AGT: variants seen among roughly 807,000 people sequenced by gnomAD.
AGT encodes alpha-1 antiproteinase, antitrypsin.
In AGT, 26 loss-of-function variants were observed where a neutral mutation model predicts 28.1. The observed-to-expected ratio is 0.92, with a 90% confidence interval of 0.68 to 1.28. The LOEUF is 1.28. Among genes scored for constraint, AGT ranks in the 50% most tolerant of loss-of-function variants. AGT has a pLI of 0.00. For missense variants in AGT, 596 were observed against 592.3 expected (o/e 1.01, Z -0.06); for synonymous variants, 259 against 259.6 (o/e 1.00, Z 0.02).
chr1:230,735,869 G>A (rs903302276), intron 1 of AGT, among the ~76,000 whole-genome samples: 3 of 152,116 alleles, frequency 2.0e-5, no homozygotes, highest in Non-Finnish European at 4.4e-5. Context: ...TGGTCTTCCT[G>A]CCCACATCTT....
At chr1:230,733,430 C>T (rs1021384237) in intron 1 of AGT, among the ~76,000 whole-genome samples, 1 of 152,156 alleles carries the variant, frequency 6.6e-6, no homozygotes, top group Non-Finnish European at 1.5e-5. Flanking sequence ...AAGGGCGATG[C>T]TTATGAAAGC....
chr1:230,738,531 G>A lies in AGT; in HGVS notation c.-31+6984C>T, dbSNP rs143455444. On this transcript the variant is annotated intron_variant, in intron 1 of 4. Transcript: ENST00000681269. ...CTAATAAATCTCTTTTGAAAGTTGA[G>A]TCATAAAAATTGCTATGACACTTTG... Among the ~76,000 whole-genome samples, 247 of 152,322 alleles carry A rather than the reference G, an allele frequency of 1.6e-3. 3 individuals are homozygous for A. The highest frequency in any genetic ancestry group is 5.8e-3 in the African/African-American group (241 of 41,554).
Position 230,710,021 on chromosome 1 carries a change from G to A in AGT, c.803C>T (p.Ala268Val), listed in dbSNP as rs1228544607. The change falls in exon 2 of 5, where the codon GCT (alanine) becomes GTT (valine). Residue 268 changes from alanine to valine, a missense_variant. Transcript: ENST00000366667. ...TTGGAAGTGGACGTAGGTGTTGAAA[G>A]CCAGGGTGCTGTCCACACTGGCTCC... ...LMGASVDSTL[A>V]FNTYVHFQGK... The A allele has an allele frequency of 6.2e-6, 10 of 1,614,214 alleles. No homozygotes were observed. Among genetic ancestry groups the A allele is most frequent in the Non-Finnish European group, 8.5e-6 (10 of 1,180,052 alleles).
intron 3 of AGT, 53 bp from the exon 4 acceptor site, chr1:230,704,390 T>G: frequency 1.2e-6 from 2 of 1,601,754 alleles, no homozygotes; most frequent in South Asian, 1.1e-5. Context: ...GTGAGGGCTC[T>G]CCCAGAGGCC....
intron 4 of AGT, 101 bp downstream of exon 4, chr1:230,704,092 C>T (rs1442617778): frequency 1.3e-6 from 2 of 1,578,094 alleles, no homozygotes; most frequent in African/African-American, 2.7e-5. Context: ...TCTTGCCCTG[C>T]TGGCCCCACC....
At chr1:230,735,186 C>T (rs1664136033) in intron 1 of AGT, among the ~76,000 whole-genome samples, 1 of 152,108 alleles carries the variant, frequency 6.6e-6, no homozygotes, top group African/African-American at 2.4e-5. Context: ...GGGCCATTGT[C>T]TTTAAGGGCC....
chr1:230,709,369 G>A (rs1663502458), intron 2 of AGT, among the ~76,000 whole-genome samples: 1 of 151,670 alleles, frequency 6.6e-6, no homozygotes, highest in South Asian at 2.1e-4. Context: ...AGGAGTTCAA[G>A]GCTACAGTGA....
chr1:230,730,862 G>A (rs781747616), intron 1 of AGT, among the ~76,000 whole-genome samples: 7 of 152,134 alleles, frequency 4.6e-5, no homozygotes, highest in Non-Finnish European at 8.8e-5. Context: ...GGCCCAGATA[G>A]GCATTAAAAT....
Position 230,735,405 on chromosome 1 carries a change from C to T in AGT, c.-31+10110G>A, listed in dbSNP as rs185806697. On this transcript the variant is annotated intron_variant, in intron 1 of 4. Transcript: ENST00000681269. The stretch of plus-strand genomic sequence containing the variant: ...TGAGATCCTCAAACTCAATGATTTC[C>T]GAGTCATGTTTAATATTTTTACATT... Among the ~76,000 whole-genome samples the T allele has an allele frequency of 5.8e-4, 89 of 152,232 alleles. 1 individual carries two copies. The highest frequency in any genetic ancestry group is 1.9e-3 in the African/African-American group (77 of 41,546).
intron 1 of AGT, among the ~76,000 whole-genome samples, chr1:230,720,124 G>T (rs1663814703): frequency 1.3e-5 from 2 of 152,058 alleles, no homozygotes; most frequent in Non-Finnish European, 2.9e-5. Flanking sequence ...TGCCTCAGGG[G>T]TCCCATGAGA....
chr1:230,736,608 A>G (rs548338655), intron 1 of AGT, among the ~76,000 whole-genome samples: 1 of 152,322 alleles, frequency 6.6e-6, no homozygotes, highest in East Asian at 1.9e-4. Flanking sequence ...ATAAATGGGA[A>G]CGGAGCAAGG....
In AGT at chr1:230,703,135, C is replaced by T. The variant is rs1413901533; in HGVS notation, c.*6G>A. On this transcript the variant is annotated 3_prime_UTR_variant, in exon 5 of 5. Transcript: ENST00000366667. The stretch of plus-strand genomic sequence containing the variant: ...TTGCCAGGCACTGTGTTCTGGGGCC[C>T]TGGCCTCATGCTGTGCTCAGCGGGT... 3.7e-6 allele frequency: 6 copies of T among 1,613,146 alleles called. No individual in the cohort carries two copies. Among genetic ancestry groups the T allele is most frequent in the Non-Finnish European group, 5.1e-6 (6 of 1,180,000 alleles).
Position 230,708,702 on chromosome 1 carries a change from G to A in AGT, c.829+1293C>T, listed in dbSNP as rs181145119. ...CAGTGTCTCTTAGACACACCCCTCA[G>A]CCCCACCCCACCCATGGATTTGCCG... On this transcript the variant is annotated intron_variant, in intron 2 of 4. Transcript: ENST00000366667. Among the ~76,000 whole-genome samples, 332 of 152,142 alleles carry A rather than the reference G, an allele frequency of 2.2e-3. 1 individual carries two copies. Among genetic ancestry groups the A allele is most frequent in the African/African-American group, 7.6e-3 (317 of 41,510 alleles).
intron 2 of AGT, among the ~76,000 whole-genome samples, chr1:230,708,670 G>C (rs1663466440): frequency 6.6e-6 from 1 of 152,176 alleles, no homozygotes; most frequent in African/African-American, 2.4e-5. Context: ...TCTTGACAGA[G>C]CCTCCTCAGT....
intron 2 of AGT, 124 bp downstream of exon 2, chr1:230,709,871 G>T: frequency 1.4e-6 from 2 of 1,421,676 alleles, no homozygotes; most frequent in Non-Finnish European, 9.9e-7. Context: ...CACTTCTCAA[G>T]GGTGGTCACC....
intron 1 of AGT, among the ~76,000 whole-genome samples, chr1:230,740,606 GA>G (rs1186002936): frequency 6.6e-6 from 1 of 152,144 alleles, no homozygotes; most frequent in Non-Finnish European, 1.5e-5. Context: ...GTTTTGGTGC[GA>G]GGTGGTAACT....
chr1:230,734,810 T>G (rs113021372), intron 1 of AGT, among the ~76,000 whole-genome samples: 1 of 151,960 alleles, frequency 6.6e-6, no homozygotes, highest in Non-Finnish European at 1.5e-5. Flanking sequence ...CCCGGGTTCA[T>G]GCCACTCTCC....
At chr1:230,703,367 C>T in intron 4 of AGT, 38 bp from the exon 5 acceptor site, 4 of 1,612,490 alleles carry the variant, frequency 2.5e-6, no homozygotes, top group Non-Finnish European at 3.4e-6. Flanking sequence ...TCTGAGGGCG[C>T]ACTGGGTGAC....
upstream of AGT, among the ~76,000 whole-genome samples, chr1:230,717,144 A>G (rs1359834583): frequency 6.6e-6 from 1 of 150,996 alleles, no homozygotes; most frequent in African/African-American, 2.4e-5. Context: ...CAAAGCTACA[A>G]ATTAACAACA....
Sources: allele counts gnomAD v4.1 joint callset (sites outside exome capture counted in the v4.1 genomes callset), GRCh38; gene constraint gnomAD v4.1.1; transcripts MANE v1.5; gene names NCBI Gene and HGNC (gene_info 2026-07-23, HGNC 2026-07-21).